AGFG1: variants seen among roughly 807,000 people sequenced by gnomAD.
The protein encoded by AGFG1 is ArfGAP with FG repeats 1, also known as arf-GAP domain and FG repeat-containing protein 1.
In AGFG1, 10 loss-of-function variants were observed where a neutral mutation model predicts 60.6. That is an observed-to-expected ratio of 0.16 (90% CI 0.10 to 0.28). The LOEUF is 0.28. Ranked by LOEUF, AGFG1 falls within the 10% of genes least tolerant of loss-of-function variation. The pLI is 1.00. For synonymous variants in AGFG1, 247 were observed against 242.9 expected (o/e 1.02, Z -0.16); for missense variants, 537 against 676.5 (o/e 0.79, Z 2.29).
At chr2:227,524,661 C>T in intron 4 of AGFG1, 101 bp from the exon 5 acceptor site, 1 of 1,230,448 alleles carries the variant, frequency 8.1e-7, no homozygotes, top group South Asian at 1.4e-5. Flanking sequence ...CATACTGTAA[C>T]TCTTCGTATG....
At chr2:227,497,708 T>C (rs1478545470) in intron 2 of AGFG1, among the ~76,000 whole-genome samples, 2 of 149,230 alleles carry the variant, frequency 1.3e-5, no homozygotes, top group Non-Finnish European at 3.0e-5. Flanking sequence ...CAAGCATATA[T>C]AGCCAAATGA....
At chr2:227,507,757 GGT>G (rs1265258655) in intron 2 of AGFG1, among the ~76,000 whole-genome samples, 19 of 151,464 alleles carry the variant, frequency 1.3e-4, no homozygotes, top group Middle Eastern at 3.4e-3. Flanking sequence ...CAGTAGATAT[GGT>G]GCACCACCAT....
At position 227,536,631 on chromosome 2, in the gene AGFG1, T is replaced by A. The variant is rs1051504022; in HGVS notation, c.1212T>A (p.Val404=). 4 of 1,613,526 alleles carry A rather than the reference T, an allele frequency of 2.5e-6. No individual in the cohort carries two copies. Among genetic ancestry groups the A allele is most frequent in the African/African-American group, 2.7e-5 (2 of 74,876 alleles). The stretch of plus-strand genomic sequence containing the variant: ...TTTCAATATTTGTTCTCAGCAATGT[T>A]TTTGGAACAGTGCCAGTGGTTGCTT... ...YTSTSNASSN[V]FGTVPVVASA... is the part of the protein sequence containing the mutation. The change falls in exon 9 of 13, where the codon GTT becomes GTA. Residue 404 remains valine (V), a synonymous_variant. Transcript: ENST00000310078.
Position 227,523,808 on chromosome 2 carries a change from A to G in AGFG1, c.423A>G (p.Ala141=), listed in dbSNP as rs754578194. 8.1e-6 allele frequency: 13 copies of G among 1,613,842 alleles called. No homozygotes were observed. In the East Asian group the frequency reaches 8.9e-5, roughly 11 times the overall value. Residue 141 remains alanine, a synonymous_variant, in exon 4 of 13, where the codon GCA becomes GCG. Transcript: ENST00000310078. The part of the protein sequence containing the change: ...EQAKVVASVH[A]SISGSSASST... ...CCAAAGTCGTGGCATCAGTTCATGC[A>G]TCTATTTCAGGGTCCTCTGCCAGTA... is the stretch of plus-strand genomic sequence containing the variant.
At chr2:227,530,995 T>C (rs900344415) in intron 5 of AGFG1, 96 bp from the exon 6 acceptor site, 1 of 1,146,442 alleles carries the variant, frequency 8.7e-7, no homozygotes, top group Non-Finnish European at 1.2e-6. Context: ...TTTTGATACA[T>C]AGAAACTTTT....
At chr2:227,537,289 G>A (rs1692343122) in intron 10 of AGFG1, among the ~76,000 whole-genome samples, 1 of 152,196 alleles carries the variant, frequency 6.6e-6, no homozygotes, top group Non-Finnish European at 1.5e-5. Flanking sequence ...TTATGACAGA[G>A]ATAGGACTTG....
chr2:227,503,218 A>G, intron 2 of AGFG1, among the ~76,000 whole-genome samples: 1 of 151,736 alleles, frequency 6.6e-6, no homozygotes, highest in Non-Finnish European at 1.5e-5. Context: ...CCTGGGCAAC[A>G]AAGTGAGAAG....
intron 2 of AGFG1, among the ~76,000 whole-genome samples, chr2:227,517,106 G>A (rs369862250): frequency 5.9e-5 from 9 of 152,172 alleles, no homozygotes; most frequent in African/African-American, 2.2e-4. Context: ...GCAGTAAGTT[G>A]TACTAATGTT....
In AGFG1 at chr2:227,555,104, A is replaced by AAATAAATATTATAAAATATGCT. The variant is rs1692934092; in HGVS notation, c.*611_*632dup. The AAATAAATATTATAAAATATGCT allele has an allele frequency of 6.6e-6, 1 of 152,636 alleles. No individual in the cohort carries two copies. Among genetic ancestry groups the AAATAAATATTATAAAATATGCT allele is most frequent in the Non-Finnish European group, 1.5e-5 (1 of 68,012 alleles). 9.5% of individuals were successfully genotyped at this position (152,636 alleles called of 1,614,324 possible). On this transcript the variant is annotated 3_prime_UTR_variant, in exon 13 of 13. Coordinates refer to ENST00000310078, the MANE Select transcript of AGFG1 (RefSeq NM_004504.5). ...TTTGCTACAGTTTGCAGGTGAAAAA[A>AAATAAATATTATAAAATATGCT]AATAAATATTATAAAATATGCTATT...
rs1374382263 is a variant in AGFG1 at position 227,534,830 on chromosome 2, T to A, written c.1025-15T>A. ...CTTTAAATTTTTGGTGTAACTTGAT[T>A]TTGTTCGTTCCCAGGTGGTGATCAG... On this transcript the variant is annotated splice_polypyrimidine_tract_variant and intron_variant, in intron 7 of 12. Transcript: ENST00000310078. 6.2e-7 allele frequency: 1 copy of A among 1,606,402 alleles called. No homozygotes were observed.
At chr2:227,553,885 A>G (rs1692894769) in intron 12 of AGFG1, 90 bp downstream of exon 12, 2 of 933,934 alleles carry the variant, frequency 2.1e-6, no homozygotes, top group African/African-American at 1.7e-5. Context: ...CCTAGATGGT[A>G]TTTGGTGTTA....
In AGFG1 at chr2:227,558,984, G is replaced by A. The variant is rs1441472840; in HGVS notation, c.*4489G>A. On this transcript the variant is annotated 3_prime_UTR_variant, in exon 13 of 13. Coordinates refer to ENST00000310078, the MANE Select transcript of AGFG1 (RefSeq NM_004504.5). ...CCAGTATTTGGAGAGCTTTTATATTGTTAATTCATTTAGCAAGCATTTGAA... is the reference window on the plus strand; with the variant it reads ...CCAGTATTTGGAGAGCTTTTATATTATTAATTCATTTAGCAAGCATTTGAA... The A allele has an allele frequency of 6.6e-6, 1 of 152,128 alleles. No individual in the cohort carries two copies. Among genetic ancestry groups the A allele is most frequent in the Non-Finnish European group, 1.5e-5 (1 of 68,006 alleles). The allele number at this position is 152,128 out of a possible 1,614,324, so 9.4% of individuals were successfully genotyped here.
At chr2:227,479,855 G>A (rs1372981019) in intron 1 of AGFG1, among the ~76,000 whole-genome samples, 1 of 152,160 alleles carries the variant, frequency 6.6e-6, no homozygotes, top group African/African-American at 2.4e-5. Context: ...ACACCTGATT[G>A]AACATTAGAA....
intron 5 of AGFG1, among the ~76,000 whole-genome samples, chr2:227,529,432 T>C (rs1039146494): frequency 3.3e-5 from 5 of 152,184 alleles, no homozygotes; most frequent in Admixed American, 2.6e-4. Context: ...CATATGCCAG[T>C]CTGGTTCATT....
intron 2 of AGFG1, among the ~76,000 whole-genome samples, chr2:227,518,647 C>T (rs963512767): frequency 2.0e-5 from 3 of 151,710 alleles, no homozygotes; most frequent in Non-Finnish European, 2.9e-5. Flanking sequence ...ACTCAGCCTC[C>T]TGAGTAGCTG....
At chr2:227,506,964 T>G (rs776635355) in intron 2 of AGFG1, among the ~76,000 whole-genome samples, 1 of 152,174 alleles carries the variant, frequency 6.6e-6, no homozygotes, top group Non-Finnish European at 1.5e-5. Context: ...ATGGGAAAGA[T>G]CCACTATTTC....
intron 3 of AGFG1, among the ~76,000 whole-genome samples, chr2:227,520,350 T>C (rs1691788949): frequency 6.6e-6 from 1 of 152,208 alleles, no homozygotes; most frequent in South Asian, 2.1e-4. Context: ...TCTTTAAATA[T>C]GTTTTGCCCT....
At chr2:227,523,621 T>C (rs2106208773) in intron 3 of AGFG1, 142 bp from the exon 4 acceptor site, 3 of 745,696 alleles carry the variant, frequency 4.0e-6, no homozygotes, top group Admixed American at 3.0e-5. Context: ...TTAAAAAATA[T>C]GCAAAGTTAT....
chr2:227,540,267 A>C (rs1298732206), intron 10 of AGFG1, among the ~76,000 whole-genome samples: 1 of 150,922 alleles, frequency 6.6e-6, no homozygotes, highest in Non-Finnish European at 1.5e-5. Context: ...ATATGTATAC[A>C]TGTACCATGT....
Sources: gnomAD v4.1 joint callset for allele counts (sites outside exome capture counted in the v4.1 genomes callset) on GRCh38, gnomAD v4.1.1 for gene constraint, MANE v1.5 for transcripts, NCBI Gene and HGNC (gene_info 2026-07-23, HGNC 2026-07-21) for gene names.